The following NLGN2 variants were observed in gnomAD, a reference collection of about 807,000 sequenced individuals.
NLGN2 encodes neuroligin 2, also known as neuroligin-2.
NLGN2 carries 11 observed loss-of-function variants against 48.6 expected under a neutral mutation model. The observed-to-expected ratio is 0.23, with a 90% confidence interval of 0.14 to 0.37. The LOEUF is 0.37. Ranked by LOEUF, NLGN2 falls within the 10% of genes least tolerant of loss-of-function variation. The pLI is 1.00. For synonymous variants in NLGN2, 548 were observed against 550.0 expected, an observed-to-expected ratio of 1.00 and a Z score of 0.05; for missense variants, 801 against 1,225.2, an observed-to-expected ratio of 0.65 and a Z score of 5.17.
rs922574480 is a variant in NLGN2 at position 7,408,967 on chromosome 17, A to C, written c.457+255A>C. Among the ~76,000 whole-genome samples, 5 of 152,134 alleles carry C rather than the reference A, an allele frequency of 3.3e-5. No homozygotes were observed. Among genetic ancestry groups the C allele is most frequent in the African/African-American group, 1.2e-4 (5 of 41,414 alleles). ...CATGGGGGGCCATGGTAGGGATGGC[A>C]GGCACTGGACTAGGCTCACCCACTG... On this transcript the variant is annotated intron_variant, in intron 1 of 6. Transcript: ENST00000302926. This position sits in a 1 kb window ranked among gnomAD's most constrained non-coding sequence, Gnocchi z 7.5.
rs1457717368 is a variant in NLGN2, at chr17:7,411,081, C to T, written c.458-1076C>T. 6.6e-6 allele frequency among the ~76,000 whole-genome samples: 1 copy of T among 152,234 alleles called. No homozygotes were observed. Among genetic ancestry groups the T allele is most frequent in the Non-Finnish European group, 1.5e-5 (1 of 68,038 alleles). On this transcript the variant is annotated intron_variant, in intron 1 of 6. Coordinates refer to ENST00000302926, the MANE Select transcript of NLGN2 (RefSeq NM_020795.4). The surrounding 1 kb of genome is among the most constrained non-coding windows in gnomAD (Gnocchi z 4.5). ...CCAGGCCTCTGGGCTCCAGCTCGCC[C>T]CTGACCAACCCCGTAATCTGGAAGA...
At position 7,413,304 on chromosome 17, in the gene NLGN2, T is replaced by C. The variant is rs1432934656; in HGVS notation, c.509-1040T>C. 1.3e-5 allele frequency among the ~76,000 whole-genome samples: 2 copies of C among 152,166 alleles called. No individual in the cohort carries two copies. Among genetic ancestry groups the C allele is most frequent in the Non-Finnish European group, 2.9e-5 (2 of 68,016 alleles). On this transcript the variant is annotated intron_variant, in intron 2 of 6. Coordinates refer to ENST00000302926, the MANE Select transcript of NLGN2 (RefSeq NM_020795.4). This position sits in a 1 kb window ranked among gnomAD's most constrained non-coding sequence, Gnocchi z 4.9. ...CAGGTTGACCTTCTGGCAGGAGGGA[T>C]GTTTCTACCAGGATGAGGGAGGTGG...
chr17:7,407,535 T>TA (rs2150810397), upstream of NLGN2, among the ~76,000 whole-genome samples: 1 of 152,300 alleles, frequency 6.6e-6, no homozygotes, highest in East Asian at 1.9e-4. Context: ...TTAACACATA[T>TA]AAACAAACCT....
chr17:7,414,631 C>T, intron 3 of NLGN2, 32 bp from the exon 4 acceptor site: 1 of 1,613,066 alleles, frequency 6.2e-7, no homozygotes, highest in South Asian at 1.1e-5. Flanking sequence ...GCTGTGACAC[C>T]TCCAGGGAGC....
At position 7,415,922 on chromosome 17, in the gene NLGN2, C is replaced by G; in HGVS notation, c.1449C>G (p.Phe483Leu). Residue 483 changes from phenylalanine to leucine, a missense_variant, in exon 6 of 7, where the codon TTC becomes TTG. Physicochemically the swap from Phe to Leu is conservative, Grantham distance 22. This residue lies in a region of NLGN2 where 303 missense variants were observed against 600.1 expected (regional missense o/e 0.50). Transcript: ENST00000302926. ...AGTCTCCCGTCTACTTTTACACCTT[C>G]TACCACCACTGCCAGGCGGAGGGCC... is the stretch of plus-strand genomic sequence containing the variant. ...DYQSPVYFYT[F>L]YHHCQAEGRP... The G allele has an allele frequency of 6.2e-7, 1 of 1,613,592 alleles. No individual in the cohort carries two copies. The highest frequency in any genetic ancestry group is 8.5e-7 in the Non-Finnish European group (1 of 1,179,674).
rs1180600248 is a variant in NLGN2 at position 7,408,898 on chromosome 17, A to G, written c.457+186A>G. On this transcript the variant is annotated intron_variant, in intron 1 of 6. Transcript: ENST00000302926. This position sits in a 1 kb window ranked among gnomAD's most constrained non-coding sequence, Gnocchi z 7.5. ...TGTAAGGGTGCCTCCAGGCAGTCCCAGGCACACACTCTGCAGACAGCCTCT... is the reference window on the plus strand; with the variant it reads ...TGTAAGGGTGCCTCCAGGCAGTCCCGGGCACACACTCTGCAGACAGCCTCT... Among the ~76,000 whole-genome samples the G allele has an allele frequency of 6.6e-6, 1 of 152,136 alleles. No individual in the cohort carries two copies. The highest frequency in any genetic ancestry group is 1.5e-5 in the Non-Finnish European group (1 of 68,006).
In NLGN2 at chr17:7,418,397, C is replaced by G. The variant is rs944345690; in HGVS notation, c.*598C>G. On this transcript the variant is annotated 3_prime_UTR_variant, in exon 7 of 7. Coordinates refer to ENST00000302926, the MANE Select transcript of NLGN2 (RefSeq NM_020795.4). ...GCGAAGCATGTTCCCCCCGACGCCC[C>G]CCTTGGCACAAGTCAGATGAAGCAC... The G allele has an allele frequency of 2.6e-5, 4 of 152,258 alleles. No homozygotes were observed. Among genetic ancestry groups the G allele is most frequent in the African/African-American group, 9.7e-5 (4 of 41,436 alleles). 9.4% of individuals were successfully genotyped at this position (152,258 alleles called of 1,614,324 possible).
intron 5 of NLGN2, 95 bp from the exon 6 acceptor site, chr17:7,415,416 C>T: frequency 8.6e-7 from 1 of 1,165,858 alleles, no homozygotes; most frequent in Non-Finnish European, 1.3e-6. Context: ...AAGGGTCTTG[C>T]AGGTAGAGGG....
chr17:7,410,940 A>ACTG (rs1413839589), intron 1 of NLGN2, among the ~76,000 whole-genome samples: 1 of 152,180 alleles, frequency 6.6e-6, no homozygotes, highest in Non-Finnish European at 1.5e-5. Flanking sequence ...TGGGGCCATC[A>ACTG]CTGCCACTTA....
At chr17:7,409,039 G>A (rs1906775685) in intron 1 of NLGN2, among the ~76,000 whole-genome samples, 1 of 152,092 alleles carries the variant, frequency 6.6e-6, no homozygotes, top group African/African-American at 2.4e-5. Context: ...ACCTGGCCAC[G>A]GAGGGGGAAT....
rs1907150500 is a variant in NLGN2 at position 7,417,335 on chromosome 17, G to A, written c.2044G>A (p.Val682Met). ...YSTELSVTVAVGASLLFLNIL... is the reference protein window; with the variant it reads ...YSTELSVTVAMGASLLFLNIL... Reference sequence around the variant, plus strand: ...CACGGAGCTGAGCGTCACCGTGGCCGTGGGTGCCTCCCTCCTCTTCCTCAA... The same window carrying A: ...CACGGAGCTGAGCGTCACCGTGGCCATGGGTGCCTCCCTCCTCTTCCTCAA... The change falls in exon 7 of 7, where the codon GTG becomes ATG. Residue 682 changes from valine to methionine, a missense_variant. Val to Met is a conservative substitution (Grantham distance 21). Around this residue, in one of 5 missense-constraint regions of NLGN2, gnomAD observed 276 missense variants for 313.9 expected, o/e 0.88. Transcript: ENST00000302926. 1.2e-6 allele frequency: 2 copies of A among 1,610,804 alleles called. No homozygotes were observed. The highest frequency in any genetic ancestry group is 1.1e-5 in the South Asian group (1 of 90,620).
upstream of NLGN2, among the ~76,000 whole-genome samples, chr17:7,407,070 ACTT>A (rs1336485567): frequency 1.3e-5 from 2 of 151,502 alleles, no homozygotes; most frequent in African/African-American, 2.4e-5. Flanking sequence ...CAACATATAT[ACTT>A]CTTCCTCTAT....
rs984237235 is a variant in NLGN2 at position 7,413,505 on chromosome 17, C to T, written c.509-839C>T. Among the ~76,000 whole-genome samples, 1 of 152,098 alleles carries T rather than the reference C, an allele frequency of 6.6e-6. No homozygotes were observed. The highest frequency in any genetic ancestry group is 1.5e-5 in the Non-Finnish European group (1 of 67,994). On this transcript the variant is annotated intron_variant, in intron 2 of 6. Transcript: ENST00000302926. This position sits in a 1 kb window ranked among gnomAD's most constrained non-coding sequence, Gnocchi z 4.9. The stretch of plus-strand genomic sequence containing the variant: ...GCTGCAGGGGAGGATACTGTAGCCT[C>T]GGGGACCCTGGCAAGCACTCTCAGA...
intron 6 of NLGN2, 22 bp from the exon 7 acceptor site, chr17:7,416,903 TC>T: frequency 6.2e-7 from 1 of 1,612,162 alleles, no homozygotes. Flanking sequence ...ACTCCTCCTT[TC>T]CCTGCCCTCC....
In NLGN2 at chr17:7,411,825, C is replaced by A. The variant is rs1029106041; in HGVS notation, c.458-332C>A. Among the ~76,000 whole-genome samples the A allele has an allele frequency of 1.4e-5, 2 of 146,156 alleles. No homozygotes were observed. The highest frequency in any genetic ancestry group is 4.9e-5 in the African/African-American group (2 of 40,410). ...CATTTCCAGCAATTAGCAAACACAT[C>A]GACAAGCCAAAACCTTTCCAGCCAA... is the stretch of plus-strand genomic sequence containing the variant. On this transcript the variant is annotated intron_variant, in intron 1 of 6. Coordinates refer to ENST00000302926, the MANE Select transcript of NLGN2 (RefSeq NM_020795.4). This position sits in a 1 kb window ranked among gnomAD's most constrained non-coding sequence, Gnocchi z 4.5.
chr17:7,417,813 AGGCCCTCCTCCCC>A lies in NLGN2; in HGVS notation c.*23_*35del, dbSNP rs779999870. 75 of 1,320,946 alleles carry A rather than the reference AGGCCCTCCTCCCC, an allele frequency of 5.7e-5. No homozygotes were observed. Among genetic ancestry groups the A allele is most frequent in the Admixed American group, 1.2e-4 (3 of 24,074 alleles). 81.8% of individuals were successfully genotyped at this position (1,320,946 alleles called of 1,614,324 possible). A position where few individuals can be genotyped will look rare whatever the true frequency, so the allele number is the denominator to read the frequency against. On this transcript the variant is annotated 3_prime_UTR_variant, in exon 7 of 7. Coordinates refer to ENST00000302926, the MANE Select transcript of NLGN2 (RefSeq NM_020795.4). ...ACTCGGGTATAGGGGGTGGGTGGGG[AGGCCCTCCTCCCC>A]GGCCCTCCCTGGCCCGGCCACTCCG...
chr17:7,406,717 T>C (rs567789768), upstream of NLGN2, among the ~76,000 whole-genome samples: 1 of 150,710 alleles, frequency 6.6e-6, no homozygotes, highest in Non-Finnish European at 1.5e-5. Flanking sequence ...CTCCCTTGGC[T>C]GGCCCCTGCT....
intron 3 of NLGN2, 70 bp from the exon 4 acceptor site, chr17:7,414,593 C>T: frequency 6.2e-7 from 1 of 1,611,466 alleles, no homozygotes; most frequent in Middle Eastern, 1.9e-4. Flanking sequence ...CTGGGCTGGA[C>T]TGAGCTGCCC....
Position 7,408,836 on chromosome 17 carries a change from G to T in NLGN2, c.457+124G>T. On this transcript the variant is annotated intron_variant, in intron 1 of 6. Coordinates refer to ENST00000302926, the MANE Select transcript of NLGN2 (RefSeq NM_020795.4). The surrounding 1 kb of genome is among the most constrained non-coding windows in gnomAD (Gnocchi z 7.5). ...GGCCTTTGTGGGGGCAGTGAGGGACGGAGTGTCCCTGCAACCTCTACGTGC... is the reference window on the plus strand; with the variant it reads ...GGCCTTTGTGGGGGCAGTGAGGGACTGAGTGTCCCTGCAACCTCTACGTGC... 1 of 1,533,186 alleles carries T rather than the reference G, an allele frequency of 6.5e-7. No homozygotes were observed. The highest frequency in any genetic ancestry group is 8.9e-7 in the Non-Finnish European group (1 of 1,124,310). The allele number at this position is 1,533,186 out of a possible 1,614,324, so 95.0% of individuals were successfully genotyped here. A position where few individuals can be genotyped will look rare whatever the true frequency, so the allele number is the denominator to read the frequency against.
Sources: gnomAD v4.1 joint callset for allele counts (sites outside exome capture counted in the v4.1 genomes callset) on GRCh38, gnomAD v4.1.1 for gene constraint, gnomAD v4.1.1 regional missense constraint, Gnocchi (gnomAD v3.1) non-coding constraint, MANE v1.5 for transcripts, NCBI Gene and HGNC (gene_info 2026-07-23, HGNC 2026-07-21) for gene names.